GSE1: variants seen among roughly 807,000 people sequenced by gnomAD.
GSE1 encodes genetic suppressor element 1.
GSE1 carries 32 observed loss-of-function variants against 112.6 expected under a neutral mutation model. The ratio of observed to expected loss-of-function variants is 0.28; its 90% CI spans 0.21 to 0.38. The LOEUF (loss-of-function observed/expected upper bound fraction) is 0.38. GSE1 is among the 10% of genes least tolerant of loss of function. The pLI is 1.00. For missense variants in GSE1, 2,348 were observed against 1,699.2 expected (o/e 1.38, Z -6.71); for synonymous variants, 1,115 against 735.6 (o/e 1.52, Z -8.35).
chr16:85,521,821 G>A (rs923198142), intron 2 of GSE1, among the ~76,000 whole-genome samples: 7 of 152,236 alleles, frequency 4.6e-5, no homozygotes, highest in East Asian at 3.9e-4. Context: ...AATCCGGAGC[G>A]CGCTGGCGCT....
chr16:85,317,957 G>T (rs2046021025), intron 1 of GSE1, among the ~76,000 whole-genome samples: 1 of 152,236 alleles, frequency 6.6e-6, no homozygotes, highest in Non-Finnish European at 1.5e-5. Context: ...AAAGAACTGG[G>T]AACATTCTAG....
intron 2 of GSE1, among the ~76,000 whole-genome samples, chr16:85,438,652 C>T (rs569288021): frequency 2.6e-5 from 4 of 152,318 alleles, no homozygotes; most frequent in South Asian, 2.1e-4. Flanking sequence ...CCAGAGCCTG[C>T]GTGTCCCAGC....
intron 1 of GSE1, among the ~76,000 whole-genome samples, chr16:85,353,224 C>T (rs542748509): frequency 2.6e-5 from 4 of 152,242 alleles, no homozygotes; most frequent in African/African-American, 4.8e-5. Context: ...GGGACTCGAC[C>T]GGGGAAGAAC....
rs1410113626 is a variant in GSE1 at position 85,324,072 on chromosome 16, C to T, written c.2284-33391C>T. On this transcript the variant is annotated intron_variant, in intron 1 of 2. Transcript: ENST00000637419. Reference sequence around the variant, plus strand: ...AGATAATAACAAGTGTTGGCGAGGACGTGGAGAAGTTGGAACCCTGGTGCA... The same window carrying T: ...AGATAATAACAAGTGTTGGCGAGGATGTGGAGAAGTTGGAACCCTGGTGCA... Among the ~76,000 whole-genome samples, 14 of 152,176 alleles carry T rather than the reference C, an allele frequency of 9.2e-5. No homozygotes were observed. The East Asian group carries it at 1.2e-3, about 13-fold the overall frequency.
intron 14 of GSE1, 92 bp downstream of exon 14, chr16:85,668,516 CCTGGGGACTGTTTCT>C (rs1317765392): frequency 1.2e-5 from 10 of 844,600 alleles, no homozygotes; most frequent in Admixed American, 2.4e-5. Flanking sequence ...CCTCTGCCAG[CCTGGGGACTGTTTCT>C]CCGTCCTGGG....
intron 1 of GSE1, among the ~76,000 whole-genome samples, chr16:85,630,486 C>T (rs896729843): frequency 4.6e-5 from 7 of 151,980 alleles, no homozygotes; most frequent in African/African-American, 9.7e-5. Context: ...ACGCATGTGT[C>T]GTTTCAGGGT....
At chr16:85,623,298 T>G (rs769930144) in intron 1 of GSE1, among the ~76,000 whole-genome samples, 20 of 148,464 alleles carry the variant, frequency 1.3e-4, no homozygotes, top group Non-Finnish European at 3.0e-4. Context: ...CAAGGCAGCC[T>G]CAACCTCCTG....
chr16:85,504,453 C>T (rs887191187), intron 2 of GSE1, among the ~76,000 whole-genome samples: 2 of 152,190 alleles, frequency 1.3e-5, no homozygotes, highest in African/African-American at 4.8e-5. Context: ...GGGGCACACA[C>T]GTGTGTGTCT....
chr16:85,586,533 A>G (rs2046702746), intron 1 of GSE1, among the ~76,000 whole-genome samples: 1 of 152,182 alleles, frequency 6.6e-6, no homozygotes, highest in Non-Finnish European at 1.5e-5. Context: ...GGATGGATCC[A>G]GTCCCTCCCG....
intron 1 of GSE1, among the ~76,000 whole-genome samples, chr16:85,331,371 A>ATATGTATATATATGTATATATATG (rs1312437772): frequency 2.5e-5 from 2 of 81,344 alleles, no homozygotes; most frequent in Admixed American, 3.3e-4. Flanking sequence ...GTGTGTATAT[A>ATATGTATATATATGTATATATATG]TGTATATATA....
chr16:85,360,209 G>T (rs1448603858), intron 2 of GSE1, among the ~76,000 whole-genome samples: 2 of 152,208 alleles, frequency 1.3e-5, no homozygotes, highest in South Asian at 2.1e-4. Flanking sequence ...TCATCAGCAG[G>T]TCCTTGCTGC....
intron 1 of GSE1, among the ~76,000 whole-genome samples, chr16:85,293,356 G>T (rs1442762699): frequency 6.6e-6 from 1 of 152,080 alleles, no homozygotes; most frequent in Non-Finnish European, 1.5e-5. Context: ...GACCAGCCTG[G>T]TCAACATGGT....
chr16:85,193,956 TGTG>T (rs774947938), intron 1 of GSE1, among the ~76,000 whole-genome samples: 5 of 151,874 alleles, frequency 3.3e-5, no homozygotes, highest in South Asian at 2.1e-4. Flanking sequence ...TACATGCACT[TGTG>T]TGTGTGTGTG....
rs28605807 is a variant in GSE1, at chr16:85,439,544, A to G, written c.2464+81901A>G. Among the ~76,000 whole-genome samples the G allele has an allele frequency of 6.3e-3, 963 of 152,136 alleles. 10 individuals carry two copies. The highest frequency in any genetic ancestry group is 0.022 in the African/African-American group (919 of 41,480). ...GAAACACACGGTCTGTCACACACAC[A>G]CACACACACACACACCCCAGGCGTC... On this transcript the variant is annotated intron_variant, in intron 2 of 2. Transcript: ENST00000637419.
intron 2 of GSE1, among the ~76,000 whole-genome samples, chr16:85,641,343 G>T (rs1169965433): frequency 7.9e-5 from 12 of 152,188 alleles, no homozygotes; most frequent in Admixed American, 4.6e-4. Context: ...CTAGAAACCC[G>T]CACCTCCCGC....
At chr16:85,474,440 C>A (rs1002052070) in intron 2 of GSE1, among the ~76,000 whole-genome samples, 4 of 152,070 alleles carry the variant, frequency 2.6e-5, no homozygotes, top group Admixed American at 6.5e-5. Flanking sequence ...GGACCTCGGG[C>A]AGTGGGGATG....
chr16:85,290,055 G>T (rs1323212560), intron 1 of GSE1, among the ~76,000 whole-genome samples: 1 of 152,174 alleles, frequency 6.6e-6, no homozygotes, highest in Non-Finnish European at 1.5e-5. Context: ...ACCCAGCGGG[G>T]AAGTGAGACG....
chr16:85,665,753 CT>C (rs1251447314), intron 12 of GSE1, among the ~76,000 whole-genome samples: 1 of 152,364 alleles, frequency 6.6e-6, no homozygotes, highest in Admixed American at 6.5e-5. Flanking sequence ...GGATCTGCTT[CT>C]TCCTTCTTGG....
At chr16:85,228,106 C>A (rs1432861842) in intron 1 of GSE1, among the ~76,000 whole-genome samples, 2 of 152,166 alleles carry the variant, frequency 1.3e-5, no homozygotes, top group African/African-American at 2.4e-5. Flanking sequence ...GAGGAGGGAA[C>A]AGCACGGGCA....
Sources: allele counts gnomAD v4.1 joint callset (sites outside exome capture counted in the v4.1 genomes callset), GRCh38; gene constraint gnomAD v4.1.1; transcripts MANE v1.5; gene names NCBI Gene and HGNC (gene_info 2026-07-23, HGNC 2026-07-21).